The following SLC44A1 variants were observed in gnomAD, a reference collection of about 807,000 sequenced individuals.
The protein encoded by SLC44A1 is solute carrier family 44 member 1.
SLC44A1 carries 26 observed loss-of-function variants against 79.3 expected under a neutral mutation model. The observed-to-expected ratio is 0.33, with a 90% CI of 0.24 to 0.46. SLC44A1 has a LOEUF of 0.46. Among genes scored for constraint, SLC44A1 ranks in the 20% least tolerant of loss-of-function variants. SLC44A1 has a pLI of 1.00. For synonymous variants in SLC44A1, 263 were observed against 286.2 expected (o/e 0.92, Z 0.82); for missense variants, 688 against 798.1 (o/e 0.86, Z 1.66).
intron 2 of SLC44A1, among the ~76,000 whole-genome samples, chr9:105,302,343 C>T (rs950577193): frequency 4.6e-5 from 7 of 151,892 alleles, no homozygotes; most frequent in Non-Finnish European, 8.8e-5. Context: ...TAGCTGGGAT[C>T]TCTTCTTTTT....
intron 15 of SLC44A1, among the ~76,000 whole-genome samples, chr9:105,425,182 C>T (rs547316514): frequency 6.6e-6 from 1 of 152,172 alleles, no homozygotes; most frequent in Admixed American, 6.5e-5. Flanking sequence ...GTCAGTAATA[C>T]CCATCGAACA....
intron 1 of SLC44A1, among the ~76,000 whole-genome samples, chr9:105,297,910 G>A (rs1393809777): frequency 6.6e-6 from 1 of 152,094 alleles, no homozygotes; most frequent in African/African-American, 2.4e-5. Flanking sequence ...AGCCACTGGA[G>A]GCCTGAACCT....
intron 1 of SLC44A1, among the ~76,000 whole-genome samples, chr9:105,297,296 A>G (rs545082788): frequency 6.6e-6 from 1 of 150,658 alleles, no homozygotes; most frequent in South Asian, 2.1e-4. Flanking sequence ...CATTGTTGAT[A>G]GGCAGATATT....
intron 1 of SLC44A1, among the ~76,000 whole-genome samples, chr9:105,271,781 T>G (rs139882511): frequency 0.011 from 1,662 of 152,206 alleles, 15 homozygotes; most frequent in Non-Finnish European, 0.018. Context: ...GCCTGGCTAA[T>G]TTTTGTAGTT....
intron 12 of SLC44A1, among the ~76,000 whole-genome samples, chr9:105,374,248 A>G (rs1828205955): frequency 6.6e-6 from 1 of 152,344 alleles, no homozygotes; most frequent in South Asian, 2.1e-4. Flanking sequence ...ATTACAGTGC[A>G]CTGCTGATGT....
In SLC44A1 at chr9:105,395,081, CTT is replaced by C; in HGVS notation, c.*6026_*6027del. The C allele has an allele frequency of 1.0e-6, 1 of 985,420 alleles. No homozygotes were observed. Among genetic ancestry groups the C allele is most frequent in the Non-Finnish European group, 1.2e-6 (1 of 829,950 alleles). The allele number at this position is 985,420 out of a possible 1,614,324, so 61.0% of individuals were successfully genotyped here. A position where few individuals can be genotyped will look rare whatever the true frequency, so the allele number is the denominator to read the frequency against. On this transcript the variant is annotated 3_prime_UTR_variant, in exon 16 of 16. Transcript: ENST00000374720. Reference sequence around the variant, plus strand: ...GAAATTTGATCCCAGTGGCTCATGACTTATAGTCAGGCATCAAACCATTTCCT... The same window carrying C: ...GAAATTTGATCCCAGTGGCTCATGACATAGTCAGGCATCAAACCATTTCCT...
At chr9:105,433,196 T>C (rs1281187202) in intron 15 of SLC44A1, among the ~76,000 whole-genome samples, 3 of 152,006 alleles carry the variant, frequency 2.0e-5, no homozygotes, top group Admixed American at 1.3e-4. Flanking sequence ...CTCGGGAGGC[T>C]GAGGAAGGAG....
intron 1 of SLC44A1, among the ~76,000 whole-genome samples, chr9:105,290,293 G>A (rs1430263810): frequency 6.6e-6 from 1 of 152,192 alleles, no homozygotes; most frequent in African/African-American, 2.4e-5. Flanking sequence ...GCGAAGTAGA[G>A]CTTTGGTCTA....
chr9:105,253,028 A>G (rs1432163141), intron 1 of SLC44A1, among the ~76,000 whole-genome samples: 1 of 152,242 alleles, frequency 6.6e-6, no homozygotes, highest in Non-Finnish European at 1.5e-5. Context: ...AATGTTGTAT[A>G]ATAGGATTCA....
chr9:105,396,741 T>A lies in SLC44A1; in HGVS notation c.*7685T>A, dbSNP rs998608692. 3 of 985,316 alleles carry A rather than the reference T, an allele frequency of 3.0e-6. No individual in the cohort carries two copies. The African/African-American group carries it at 5.2e-5, about 17-fold the overall frequency. The allele number at this position is 985,316 out of a possible 1,614,324, so 61.0% of individuals were successfully genotyped here. A position where few individuals can be genotyped will look rare whatever the true frequency, so the allele number is the denominator to read the frequency against. On this transcript the variant is annotated 3_prime_UTR_variant, in exon 16 of 16. Coordinates refer to ENST00000374720, the MANE Select transcript of SLC44A1 (RefSeq NM_080546.5). ...TTTGTCTTTTTTTTTTTTTGCCATT[T>A]GCATCCTATTTCATAGTGCCAAAAT... is the stretch of plus-strand genomic sequence containing the variant.
Position 105,362,990 on chromosome 9 carries a change from T to G in SLC44A1, c.1070T>G (p.Leu357Arg). 1.2e-6 allele frequency: 2 copies of G among 1,607,120 alleles called. No homozygotes were observed. Among genetic ancestry groups the G allele is most frequent in the Admixed American group, 1.7e-5 (1 of 58,522 alleles). Residue 357 changes from leucine (L) to arginine (R), a missense_variant, in exon 9 of 16, where the codon CTT (leucine) becomes CGT (arginine). Transcript: ENST00000374720. Reference protein sequence around the residue: ...LFWVYWIMTLLFLGTTGSPVQ... With the variant: ...LFWVYWIMTLRFLGTTGSPVQ... The stretch of plus-strand genomic sequence containing the variant: ...TGGGTGTACTGGATCATGACACTTC[T>G]TTTTCTTGGCACTACCGGTAAGAAG...
At chr9:105,379,320 T>C (rs768294660) in intron 13 of SLC44A1, among the ~76,000 whole-genome samples, 1 of 152,100 alleles carries the variant, frequency 6.6e-6, no homozygotes, top group Non-Finnish European at 1.5e-5. Flanking sequence ...AGAATGGATT[T>C]GTGGTTAGAG....
intron 15 of SLC44A1, among the ~76,000 whole-genome samples, chr9:105,424,699 C>T (rs1420593081): frequency 6.6e-6 from 1 of 152,076 alleles, no homozygotes; most frequent in Non-Finnish European, 1.5e-5. Context: ...GTAATCCCAG[C>T]ACTTTGGGAG....
chr9:105,373,549 C>G (rs1414119100), intron 12 of SLC44A1, among the ~76,000 whole-genome samples: 1 of 152,126 alleles, frequency 6.6e-6, no homozygotes, highest in East Asian at 1.9e-4. Flanking sequence ...TCAATCTGAC[C>G]TGAACAAGGG....
At chr9:105,434,204 G>T (rs556847338) in intron 15 of SLC44A1, among the ~76,000 whole-genome samples, 2 of 152,182 alleles carry the variant, frequency 1.3e-5, no homozygotes, top group Non-Finnish European at 2.9e-5. Flanking sequence ...GCTGGGCATG[G>T]TCATGCATGC....
chr9:105,386,497 A>C (rs933094926), intron 15 of SLC44A1: 1 of 915,618 alleles, frequency 1.1e-6, no homozygotes, highest in Non-Finnish European at 1.3e-6. Flanking sequence ...AGTTTGTCCA[A>C]CTTGCTGCCT....
intron 13 of SLC44A1, among the ~76,000 whole-genome samples, chr9:105,376,803 C>CA (rs1828305793): frequency 6.6e-6 from 1 of 152,172 alleles, no homozygotes; most frequent in Admixed American, 6.5e-5. Context: ...GAGTGAAGGG[C>CA]TTTTGTTAAG....
intron 1 of SLC44A1, among the ~76,000 whole-genome samples, chr9:105,276,286 T>C (rs1436632379): frequency 1.3e-5 from 2 of 152,168 alleles, no homozygotes; most frequent in Non-Finnish European, 2.9e-5. Flanking sequence ...CAAATATTTC[T>C]TGGATTTGTG....
At chr9:105,302,815 T>A (rs2131295112) in intron 2 of SLC44A1, among the ~76,000 whole-genome samples, 1 of 152,126 alleles carries the variant, frequency 6.6e-6, no homozygotes, top group African/African-American at 2.4e-5. Context: ...CAAGAAGTGA[T>A]ATGAGTGGGT....
Sources: allele counts gnomAD v4.1 joint callset (sites outside exome capture counted in the v4.1 genomes callset), GRCh38; gene constraint gnomAD v4.1.1; transcripts MANE v1.5; gene names NCBI Gene and HGNC (gene_info 2026-07-23, HGNC 2026-07-21).